The following GPR19 variants were observed in gnomAD, a reference collection of about 807,000 sequenced individuals.
GPR19 encodes probable G protein-coupled receptor 19.
Under a neutral mutation model 28.5 loss-of-function variants are expected in GPR19, and 14 were observed. The observed-to-expected ratio is 0.49, with a 90% CI of 0.32 to 0.77. GPR19 has a LOEUF of 0.77. Ranked by LOEUF, GPR19 falls within the 30% of genes least tolerant of loss-of-function variation. The pLI is 0.03. For missense variants in GPR19, 409 were observed against 504.1 expected (o/e 0.81, Z 1.81); for synonymous variants, 173 against 184.1 (o/e 0.94, Z 0.49).
At chr12:12,707,677 G>A in the GPR19 span, among the ~76,000 whole-genome samples, 1 of 152,098 alleles carries the variant, frequency 6.6e-6, no homozygotes, top group African/African-American at 2.4e-5. Context: ...TGAATGTGGT[G>A]GATTGGTAAT....
At position 12,664,030 on chromosome 12, in the gene GPR19, G is replaced by A. The variant is rs151290201; in HGVS notation, c.-22-1560C>T. Among the ~76,000 whole-genome samples, 668 of 152,182 alleles carry A rather than the reference G, an allele frequency of 4.4e-3. 21 individuals are homozygous for A. Among genetic ancestry groups the A allele is most frequent in the Admixed American group, 0.025 (389 of 15,280 alleles). On this transcript the variant is annotated intron_variant, in intron 3 of 3. Coordinates refer to ENST00000651487, the MANE Select transcript of GPR19 (RefSeq NM_006143.3). ...TTTTTTTGAGACAGAGTCTCGCTCCGTCCCCCGGGCTGGTGTGCAGTGGCG... is the reference window on the plus strand; with the variant it reads ...TTTTTTTGAGACAGAGTCTCGCTCCATCCCCCGGGCTGGTGTGCAGTGGCG...
At chr12:12,699,720 T>A (rs1243905440), upstream of GPR19, among the ~76,000 whole-genome samples, 5 of 152,212 alleles carry the variant, frequency 3.3e-5, no homozygotes, top group Non-Finnish European at 7.3e-5. Context: ...TAATGCCCAC[T>A]GAGGACAGGA....
At chr12:12,714,010 T>C in the GPR19 span, among the ~76,000 whole-genome samples, 3 of 152,254 alleles carry the variant, frequency 2.0e-5, no homozygotes, top group African/African-American at 7.2e-5. Flanking sequence ...CTTTTTGGAA[T>C]GTCAGCATCA....
chr12:12,696,602 C>T (rs2136340209), upstream of GPR19, among the ~76,000 whole-genome samples: 1 of 152,260 alleles, frequency 6.6e-6, no homozygotes, highest in East Asian at 1.9e-4. Context: ...CACCTTGGAA[C>T]CAGCGTTTTG....
chr12:12,661,144 G>A lies in GPR19; in HGVS notation c.*57C>T, dbSNP rs1945665047. The A allele has an allele frequency of 8.1e-7, 1 of 1,227,106 alleles. No individual in the cohort carries two copies. Among genetic ancestry groups the A allele is most frequent in the Non-Finnish European group, 1.1e-6 (1 of 881,326 alleles). 76.0% of individuals were successfully genotyped at this position (1,227,106 alleles called of 1,614,324 possible). A position where few individuals can be genotyped will look rare whatever the true frequency, so the allele number is the denominator to read the frequency against. ...GAAAACAAATATGTAAATAGCTTCT[G>A]TTTTTATAGTTAAAGCTTTTTAATC... is the stretch of plus-strand genomic sequence containing the variant. On this transcript the variant is annotated 3_prime_UTR_variant, in exon 4 of 4. Transcript: ENST00000651487. This position sits in a 1 kb window ranked among gnomAD's most constrained non-coding sequence, Gnocchi z 4.2.
At chr12:12,679,134 A>G (rs887966428) in intron 3 of GPR19, among the ~76,000 whole-genome samples, 8 of 152,130 alleles carry the variant, frequency 5.3e-5, no homozygotes, top group Non-Finnish European at 8.8e-5. Context: ...GCTATATAGT[A>G]TGGTGGCTGA....
the GPR19 span, chr12:12,703,433 G>A: frequency 1.0e-6 from 1 of 985,112 alleles, no homozygotes; most frequent in African/African-American, 1.7e-5. Flanking sequence ...CCAAACTATG[G>A]GACCTTGAAA....
At chr12:12,681,426 T>C (rs1319470910) in intron 3 of GPR19, among the ~76,000 whole-genome samples, 1 of 152,230 alleles carries the variant, frequency 6.6e-6, no homozygotes, top group Non-Finnish European at 1.5e-5. Context: ...AGGCCTCTCC[T>C]CAAGGGGAAG....
chr12:12,673,693 TA>T (rs1945887607), intron 3 of GPR19, among the ~76,000 whole-genome samples: 1 of 152,082 alleles, frequency 6.6e-6, no homozygotes, highest in South Asian at 2.1e-4. Flanking sequence ...ATGAGCTTGT[TA>T]TGTGGCTACA....
chr12:12,697,707 G>C (rs2136341240), upstream of GPR19, among the ~76,000 whole-genome samples: 1 of 152,306 alleles, frequency 6.6e-6, no homozygotes, highest in Non-Finnish European at 1.5e-5. Flanking sequence ...TGAAAGCTTT[G>C]CATGTGTCCA....
intron 2 of GPR19, among the ~76,000 whole-genome samples, chr12:12,686,946 G>A (rs771740390): frequency 3.3e-5 from 5 of 152,136 alleles, no homozygotes; most frequent in Non-Finnish European, 5.9e-5. Context: ...TTTTATTAAG[G>A]ATGGTCATAA....
intron 3 of GPR19, among the ~76,000 whole-genome samples, chr12:12,680,941 A>C (rs1175518798): frequency 6.6e-6 from 1 of 152,096 alleles, no homozygotes; most frequent in Non-Finnish European, 1.5e-5. Flanking sequence ...TGCCCCCCTC[A>C]GCCTCCCAAA....
chr12:12,704,871 C>G, the GPR19 span, among the ~76,000 whole-genome samples: 1 of 152,052 alleles, frequency 6.6e-6, no homozygotes, highest in Non-Finnish European at 1.5e-5. Context: ...GAGCGCCTAA[C>G]TATTTTGGAT....
At chr12:12,707,230 T>C in the GPR19 span, among the ~76,000 whole-genome samples, 1 of 152,184 alleles carries the variant, frequency 6.6e-6, no homozygotes, top group South Asian at 2.1e-4. Flanking sequence ...AGGATTCTAC[T>C]CAAATATCAC....
the GPR19 span, among the ~76,000 whole-genome samples, chr12:12,710,354 C>CCCAAA: frequency 7.5e-6 from 1 of 132,924 alleles, no homozygotes; most frequent in African/African-American, 2.8e-5. Flanking sequence ...GCTCCATCTC[C>CCCAAA]AAAAAAAAAA....
At chr12:12,706,607 T>G in the GPR19 span, among the ~76,000 whole-genome samples, 1 of 152,204 alleles carries the variant, frequency 6.6e-6, no homozygotes, top group African/African-American at 2.4e-5. Context: ...CATCTCAAAC[T>G]TAACATGACC....
At chr12:12,716,882 C>T in the GPR19 span, 3 of 984,520 alleles carry the variant, frequency 3.0e-6, no homozygotes, top group Non-Finnish European at 2.4e-6. Flanking sequence ...CGGCCTCCCC[C>T]GCAGACCACG....
intron 3 of GPR19, among the ~76,000 whole-genome samples, chr12:12,678,863 C>T (rs575281227): frequency 6.6e-6 from 1 of 152,266 alleles, no homozygotes; most frequent in African/African-American, 2.4e-5. Flanking sequence ...GTGGTGTCAT[C>T]CCAACTCACT....
At chr12:12,696,358 T>C (rs1420168543), upstream of GPR19, among the ~76,000 whole-genome samples, 2 of 48,036 alleles carry the variant, frequency 4.2e-5, no homozygotes, top group Non-Finnish European at 9.3e-5. Context: ...TTTTTTTTTT[T>C]TTTTTTTTTT....
Sources: allele counts gnomAD v4.1 joint callset (sites outside exome capture counted in the v4.1 genomes callset), GRCh38; gene constraint gnomAD v4.1.1; non-coding constraint Gnocchi (gnomAD v3.1); transcripts MANE v1.5; gene names NCBI Gene and HGNC (gene_info 2026-07-23, HGNC 2026-07-21).